The following MKI67 variants were observed in gnomAD, a reference collection of about 807,000 sequenced individuals.
MKI67 encodes the protein proliferation marker protein Ki-67.
In MKI67, 152 loss-of-function variants were observed where a neutral mutation model predicts 233.5. That is an observed-to-expected ratio of 0.65 (90% CI 0.57 to 0.74). The LOEUF (loss-of-function observed/expected upper bound fraction) is 0.74. Among genes scored for constraint, MKI67 ranks in the 30% least tolerant of loss-of-function variants. The probability of loss-of-function intolerance (pLI) is 0.00; values close to 1 mark genes in which losing one functional copy is unlikely to be tolerated. For missense variants in MKI67, 3,940 were observed against 3,885.2 expected, an observed-to-expected ratio of 1.01 and a Z score of -0.37; for synonymous variants, 1,465 against 1,418.5, an observed-to-expected ratio of 1.03 and a Z score of -0.74.
chr10:128,100,384 A>C (rs976276444), intron 14 of MKI67, among the ~76,000 whole-genome samples: 1 of 152,148 alleles, frequency 6.6e-6, no homozygotes, highest in Admixed American at 6.5e-5. Context: ...TGGCAGTTGA[A>C]GCTTCCTAGT....
At position 128,125,220 on chromosome 10, in the gene MKI67, C is replaced by T. The variant is rs533127938; in HGVS notation, c.92+356G>A. Among the ~76,000 whole-genome samples the T allele has an allele frequency of 5.3e-4, 81 of 152,264 alleles. No homozygotes were observed. The highest frequency in any genetic ancestry group is 1.9e-3 in the African/African-American group (79 of 41,550). On this transcript the variant is annotated intron_variant, in intron 2 of 14. Transcript: ENST00000368654. The surrounding 1 kb of genome is among the most constrained non-coding windows in gnomAD (Gnocchi z 5.3). ...CTTCCTTCCTTCATTCTCTGTGTCC[C>T]CAGTGGCCAGGGATGCCCACTGTGG...
rs771171033 is a variant in MKI67 at position 128,099,211 on chromosome 10, A to G, written c.9750T>C (p.His3250=). The G allele has an allele frequency of 3.7e-6, 6 of 1,613,172 alleles. No homozygotes were observed. The highest frequency in any genetic ancestry group is 4.2e-6 in the Non-Finnish European group (5 of 1,179,664). ...TCTGTCAAATATCTTCACTGTCCCT[A>G]TGACTTCTGGTTCTTATTTTCTTGA... ...VCVKKIRTRS[H]RDSEDI Residue 3250 remains histidine, a synonymous_variant, in exon 15 of 15, where the codon CAT becomes CAC. Coordinates refer to ENST00000368654, the MANE Select transcript of MKI67 (RefSeq NM_002417.5).
rs761464080 is a variant in MKI67, at chr10:128,113,519, G to A, written c.1564C>T (p.Pro522Ser). The A allele has an allele frequency of 7.1e-5, 115 of 1,614,024 alleles. No individual in the cohort carries two copies. The highest frequency in any genetic ancestry group is 9.4e-5 in the Non-Finnish European group (111 of 1,180,020). ...LRPELFDENL[P>S]PNTPLKRGEA... ...CCCCTTTTGAGAGGCGTATTAGGAGGCAAGTTTTCATCAAATAGTTCAGGT... is the reference window on the plus strand; with the variant it reads ...CCCCTTTTGAGAGGCGTATTAGGAGACAAGTTTTCATCAAATAGTTCAGGT... The change falls in exon 8 of 15, where the codon CCT becomes TCT. Residue 522 changes from proline (P) to serine (S), a missense_variant. By Grantham distance (74) the Pro-to-Ser change is moderately conservative (BLOSUM62 -1). Transcript: ENST00000368654.
chr10:128,104,520 G>A lies in MKI67; in HGVS notation c.7320C>T (p.Phe2440=). ...KAEALEDLVG[F]KELFQTPGHT... The stretch of plus-strand genomic sequence containing the variant: ...GACCTGGTGTCTGGAAGAGTTCTTT[G>A]AAGCCAACCAGGTCCTCTAGAGCCT... Residue 2440 remains phenylalanine, a synonymous_variant, in exon 13 of 15, where the codon TTC becomes TTT. Transcript: ENST00000368654. The A allele has an allele frequency of 6.2e-7, 1 of 1,614,182 alleles. No homozygotes were observed. Among genetic ancestry groups the A allele is most frequent in the Non-Finnish European group, 8.5e-7 (1 of 1,180,040 alleles).
chr10:128,106,248 T>G lies in MKI67; in HGVS notation c.5592A>C (p.Ser1864=). 3 of 1,614,170 alleles carry G rather than the reference T, an allele frequency of 1.9e-6. No homozygotes were observed. The highest frequency in any genetic ancestry group is 2.5e-6 in the Non-Finnish European group (3 of 1,180,026). The change falls in exon 13 of 15, where the codon TCA becomes TCC. Residue 1864 remains serine, a synonymous_variant. Coordinates refer to ENST00000368654, the MANE Select transcript of MKI67 (RefSeq NM_002417.5). The stretch of plus-strand genomic sequence containing the variant: ...TGTTTGTTGGGGTGTCCGCTGGGTC[T>G]GATTGCGGAGATTTGCAGAGTATTT... ...TKKILCKSPQ[S]DPADTPTNTK...
intron 6 of MKI67, among the ~76,000 whole-genome samples, 195 bp downstream of exon 6, chr10:128,116,296 C>T (rs1406398379): frequency 6.6e-6 from 1 of 152,214 alleles, no homozygotes; most frequent in Non-Finnish European, 1.5e-5. Flanking sequence ...TAGAGTCTCT[C>T]CTAAGCATAG....
In MKI67 at chr10:128,106,218, C is replaced by T. The variant is rs1852490127; in HGVS notation, c.5622G>A (p.Lys1874=). ...TCTTGAGGCTTCTCTTGGGCCGTTG[C>T]TTTGTGTTTGTTGGGGTGTCCGCTG... The part of the protein sequence containing the change: ...SDPADTPTNT[K]QRPKRSLKKA... The change falls in exon 13 of 15, where the codon AAG becomes AAA. Residue 1874 remains lysine (K), a synonymous_variant. Coordinates refer to ENST00000368654, the MANE Select transcript of MKI67 (RefSeq NM_002417.5). 1 of 1,613,376 alleles carries T rather than the reference C, an allele frequency of 6.2e-7. No homozygotes were observed. Among genetic ancestry groups the T allele is most frequent in the South Asian group, 1.1e-5 (1 of 91,062 alleles).
intron 7 of MKI67, among the ~76,000 whole-genome samples, chr10:128,114,096 C>T (rs1010765843): frequency 6.6e-6 from 1 of 152,202 alleles, no homozygotes; most frequent in African/African-American, 2.4e-5. Context: ...AGTGATGCTT[C>T]CCCACTAGGA....
At chr10:128,110,273 C>T in intron 12 of MKI67, 105 bp downstream of exon 12, 1 of 910,622 alleles carries the variant, frequency 1.1e-6, no homozygotes, top group Non-Finnish European at 1.6e-6. Flanking sequence ...TATTTTGTGC[C>T]AGGAACATTT....
chr10:128,122,707 A>G (rs1852973621), intron 4 of MKI67, among the ~76,000 whole-genome samples, 174 bp downstream of exon 4: 1 of 152,224 alleles, frequency 6.6e-6, no homozygotes, highest in Non-Finnish European at 1.5e-5. Context: ...TTTTGTCCCA[A>G]TTAGTCATCT....
chr10:128,111,941 G>A lies in MKI67; in HGVS notation c.2074C>T (p.Pro692Ser). 1 of 1,611,300 alleles carries A rather than the reference G, an allele frequency of 6.2e-7. No homozygotes were observed. Among genetic ancestry groups the A allele is most frequent in the Non-Finnish European group, 8.5e-7 (1 of 1,179,188 alleles). Residue 692 changes from proline (P) to serine (S), a missense_variant, in exon 10 of 15, where the codon CCT (proline) becomes TCT (serine). Coordinates refer to ENST00000368654, the MANE Select transcript of MKI67 (RefSeq NM_002417.5). The stretch of plus-strand genomic sequence containing the variant: ...GAGGCCCCTACCTTTGGAGTAGCAG[G>A]TCTTCTTTGCCTTTTGTTCATTGAC... ...QRSMNKRQRRPATPKKPVGEV... is the reference protein window; with the variant it reads ...QRSMNKRQRRSATPKKPVGEV...
intron 4 of MKI67, among the ~76,000 whole-genome samples, chr10:128,119,844 G>A (rs1381179534): frequency 6.6e-6 from 1 of 152,208 alleles, no homozygotes; most frequent in African/African-American, 2.4e-5. Flanking sequence ...CACACATTCA[G>A]TCTGTATCTG....
chr10:128,119,656 C>T (rs1590317712), intron 4 of MKI67, among the ~76,000 whole-genome samples: 1 of 152,206 alleles, frequency 6.6e-6, no homozygotes, highest in African/African-American at 2.4e-5. Flanking sequence ...CAAGTTTCTT[C>T]TAGTTTAAGT....
chr10:128,121,062 C>G (rs1852924836), intron 4 of MKI67, among the ~76,000 whole-genome samples: 1 of 151,966 alleles, frequency 6.6e-6, no homozygotes, highest in South Asian at 2.1e-4. Context: ...TAACCATACT[C>G]ATCATCCAAA....
chr10:128,111,607 A>G (rs1461987620), intron 11 of MKI67, 38 bp downstream of exon 11: 2 of 1,531,676 alleles, frequency 1.3e-6, no homozygotes, highest in Non-Finnish European at 1.8e-6. Context: ...AAAACAGTAG[A>G]GTCAAAAGAT....
Position 128,125,030 on chromosome 10 carries a change from G to A in MKI67, c.92+546C>T, listed in dbSNP as rs1028283182. Reference sequence around the variant, plus strand: ...GGCCTCTAGTGGGACACATGTCAGAGGCTGATGGGGCACTGTCAGCAACTA... The same window carrying A: ...GGCCTCTAGTGGGACACATGTCAGAAGCTGATGGGGCACTGTCAGCAACTA... On this transcript the variant is annotated intron_variant, in intron 2 of 14. Transcript: ENST00000368654. This position sits in a 1 kb window ranked among gnomAD's most constrained non-coding sequence, Gnocchi z 5.3. 6.6e-6 allele frequency among the ~76,000 whole-genome samples: 1 copy of A among 152,298 alleles called. No homozygotes were observed.
At position 128,126,040 on chromosome 10, in the gene MKI67, G is replaced by A. The variant is rs148775749; in HGVS notation, c.-90+59C>T. The A allele has an allele frequency of 6.9e-3, 1,905 of 275,780 alleles. 31 individuals are homozygous for A. Among genetic ancestry groups the A allele is most frequent in the African/African-American group, 0.04 (1,707 of 42,788 alleles). 17.1% of individuals were successfully genotyped at this position (275,780 alleles called of 1,614,324 possible). On this transcript the variant is annotated intron_variant, in intron 1 of 14. Coordinates refer to ENST00000368654, the MANE Select transcript of MKI67 (RefSeq NM_002417.5). ...TGCCCGTCCCCGCAGAGCTCGGGGG[G>A]TCCCCGCGGCTCAGCCCTCGACCCC...
At chr10:128,116,937 G>A (rs1268095207) in intron 5 of MKI67, among the ~76,000 whole-genome samples, 2 of 152,084 alleles carry the variant, frequency 1.3e-5, no homozygotes, top group African/African-American at 4.8e-5. Flanking sequence ...ATAAAAAATT[G>A]TTTTCTTTAC....
In MKI67 at chr10:128,099,010, C is replaced by A; in HGVS notation, c.*180G>T. On this transcript the variant is annotated 3_prime_UTR_variant, in exon 15 of 15. Coordinates refer to ENST00000368654, the MANE Select transcript of MKI67 (RefSeq NM_002417.5). Reference sequence around the variant, plus strand: ...GTTCAACTATTCTCAGTCCAGGAGCCCAGCAGTGCTCCCAGTGGAGTTTAT... The same window carrying A: ...GTTCAACTATTCTCAGTCCAGGAGCACAGCAGTGCTCCCAGTGGAGTTTAT... The A allele has an allele frequency of 1.9e-6, 1 of 519,820 alleles. No individual in the cohort carries two copies. The highest frequency in any genetic ancestry group is 2.6e-5 in the South Asian group (1 of 38,932). 32.2% of individuals were successfully genotyped at this position (519,820 alleles called of 1,614,324 possible). A position where few individuals can be genotyped will look rare whatever the true frequency, so the allele number is the denominator to read the frequency against.
Sources: gnomAD v4.1 joint callset for allele counts (sites outside exome capture counted in the v4.1 genomes callset) on GRCh38, gnomAD v4.1.1 for gene constraint, Gnocchi (gnomAD v3.1) non-coding constraint, MANE v1.5 for transcripts, NCBI Gene and HGNC (gene_info 2026-07-23, HGNC 2026-07-21) for gene names.